Variants in ENAM observed in about 807,000 individuals in gnomAD.
The protein encoded by ENAM is amelogenesis imperfecta 2, hypocalcification (autosomal dominant).
Under a neutral mutation model 33.6 loss-of-function variants are expected in ENAM, and 21 were observed. The ratio of observed to expected loss-of-function variants is 0.63; its 90% CI spans 0.44 to 0.90. The LOEUF (loss-of-function observed/expected upper bound fraction) is 0.90, where lower values mean the gene tolerates loss of function less well. ENAM is among the 40% of genes least tolerant of loss of function. The pLI, the probability that ENAM is intolerant of heterozygous loss-of-function variation, is 0.00. For missense variants in ENAM, 1,388 were observed against 1,366.9 expected, an observed-to-expected ratio of 1.02 and a Z score of -0.24; for synonymous variants, 473 against 468.4, an observed-to-expected ratio of 1.01 and a Z score of -0.13.
At chr4:70,641,937 T>C (rs1031469161) in intron 8 of ENAM, 78 bp from the exon 9 acceptor site, 6 of 981,122 alleles carry the variant, frequency 6.1e-6, no homozygotes, top group South Asian at 5.2e-5. Context: ...AAGATTTCCC[T>C]GTTATACTAA....
At position 70,643,800 on chromosome 4, in the gene ENAM, C is replaced by A; in HGVS notation, c.2374C>A (p.His792Asn). ...FNRNIWDQAT[H>N]LQKAPARPPD... ...CAGAAATATCTGGGATCAGGCAACA[C>A]ATTTACAAAAAGCCCCAGCTAGGCC... The change falls in exon 9 of 9, where the codon CAT (histidine) becomes AAT (asparagine). Residue 792 changes from histidine to asparagine, a missense_variant. His to Asn is a moderately conservative substitution (Grantham distance 68). Coordinates refer to ENST00000396073, the MANE Select transcript of ENAM (RefSeq NM_031889.3). The A allele has an allele frequency of 6.2e-7, 1 of 1,614,156 alleles. No individual in the cohort carries two copies. Among genetic ancestry groups the A allele is most frequent in the Non-Finnish European group, 8.5e-7 (1 of 1,180,014 alleles).
In ENAM at chr4:70,635,873, A is replaced by G. The variant is rs774980367; in HGVS notation, c.513A>G (p.Gln171=). The change falls in exon 7 of 9, where the codon CAA becomes CAG. Residue 171 remains glutamine (Q), a synonymous_variant. Coordinates refer to ENST00000396073, the MANE Select transcript of ENAM (RefSeq NM_031889.3). ...PFGNGLFPYQ[Q]PPWQIPQRLP... is the part of the protein sequence containing the mutation. ...GAAATGGGCTATTCCCCTATCAACA[A>G]CCACCATGGCAAATTCCACAGGTGA... 17 of 1,606,656 alleles carry G rather than the reference A, an allele frequency of 1.1e-5. No individual in the cohort carries two copies. The South Asian group carries it at 1.8e-4, about 17-fold the overall frequency.
chr4:70,643,808 A>G lies in ENAM; in HGVS notation c.2382A>G (p.Gln794=). The change falls in exon 9 of 9, where the codon CAA becomes CAG. Residue 794 remains glutamine, a synonymous_variant. Coordinates refer to ENST00000396073, the MANE Select transcript of ENAM (RefSeq NM_031889.3). ...RNIWDQATHL[Q]KAPARPPDQK... is the part of the protein sequence containing the mutation. The stretch of plus-strand genomic sequence containing the variant: ...TCTGGGATCAGGCAACACATTTACA[A>G]AAAGCCCCAGCTAGGCCACCAGACC... The G allele has an allele frequency of 6.2e-7, 1 of 1,614,196 alleles. No homozygotes were observed. The highest frequency in any genetic ancestry group is 8.5e-7 in the Non-Finnish European group (1 of 1,180,026).
intron 8 of ENAM, among the ~76,000 whole-genome samples, chr4:70,639,178 C>T (rs1738537245): frequency 6.6e-6 from 1 of 152,132 alleles, no homozygotes; most frequent in South Asian, 2.1e-4. Context: ...GAAATAACCC[C>T]AAATAAAAAT....
rs780368116 is a variant in ENAM at position 70,642,483 on chromosome 4, C to T, written c.1057C>T (p.Gln353Ter). The T allele has an allele frequency of 6.2e-7, 1 of 1,614,060 alleles. No individual in the cohort carries two copies. Among genetic ancestry groups the T allele is most frequent in the South Asian group, 1.1e-5 (1 of 91,066 alleles). ...HRQNRPFYRNQQVQRGPRWNF... is the reference protein window; with the variant it reads ...HRQNRPFYRN The stretch of plus-strand genomic sequence containing the variant: ...ACAGAATAGGCCTTTTTACAGAAAT[C>T]AACAAGTTCAAAGGGGTCCTCGGTG... Residue 353 changes from glutamine to a stop codon, truncating the protein, a stop_gained, in exon 9 of 9, where the codon CAA becomes TAA. Coordinates refer to ENST00000396073, the MANE Select transcript of ENAM (RefSeq NM_031889.3). LOFTEE classifies it low-confidence loss of function (END_TRUNC).
At position 70,634,448 on chromosome 4, in the gene ENAM, T is replaced by C; in HGVS notation, c.351T>C (p.Asp117=). The C allele has an allele frequency of 6.2e-7, 1 of 1,614,030 alleles. No homozygotes were observed. The highest frequency in any genetic ancestry group is 1.1e-5 in the South Asian group (1 of 91,078). ...CACCCAAACGTCATAACAAGACTGA[T>C]CAGACCCAAGAAACCCAGAAACCCA... is the stretch of plus-strand genomic sequence containing the variant. ...SSAPKRHNKT[D]QTQETQKPNQ... Residue 117 remains aspartate, a synonymous_variant, in exon 6 of 9, where the codon GAT becomes GAC. Coordinates refer to ENST00000396073, the MANE Select transcript of ENAM (RefSeq NM_031889.3).
chr4:70,629,621 C>T (rs963172139), intron 2 of ENAM, 67 bp downstream of exon 2: 52 of 1,131,778 alleles, frequency 4.6e-5, no homozygotes, highest in Middle Eastern at 1.9e-4. Context: ...CAGAAATACA[C>T]TTGAGAGGGC....
chr4:70,630,362 G>A (rs1486426903), intron 2 of ENAM, among the ~76,000 whole-genome samples: 1 of 152,162 alleles, frequency 6.6e-6, no homozygotes. Flanking sequence ...AGAATGAAAG[G>A]AATGAAAACA....
intron 1 of ENAM, among the ~76,000 whole-genome samples, 197 bp from the exon 2 acceptor site, chr4:70,629,244 T>A (rs1356947381): frequency 1.3e-5 from 2 of 152,132 alleles, no homozygotes; most frequent in African/African-American, 4.8e-5. Flanking sequence ...CCTAGAAGTA[T>A]CTCAAAATAC....
intron 5 of ENAM, 152 bp downstream of exon 5, chr4:70,632,844 C>T: frequency 1.5e-6 from 1 of 686,642 alleles, no homozygotes; most frequent in Non-Finnish European, 2.6e-6. Context: ...ATTATTGCCC[C>T]TATCCTCTCA....
chr4:70,639,069 T>C (rs2109823520), intron 8 of ENAM, among the ~76,000 whole-genome samples: 1 of 151,984 alleles, frequency 6.6e-6, no homozygotes, highest in Non-Finnish European at 1.5e-5. Context: ...AGTGCTGGGA[T>C]TACAGGCATG....
rs1003413539 is a variant in ENAM, at chr4:70,630,268, A to T, written c.54+714A>T. Among the ~76,000 whole-genome samples, 27 of 152,200 alleles carry T rather than the reference A, an allele frequency of 1.8e-4. No homozygotes were observed. The South Asian group carries it at 2.3e-3, about 13-fold the overall frequency. ...TTATAAAAATGCTAAAGCGTCATTT[A>T]TGTTGCTCCTATAGGAAGTAAACAG... On this transcript the variant is annotated intron_variant, in intron 2 of 8. Coordinates refer to ENST00000396073, the MANE Select transcript of ENAM (RefSeq NM_031889.3).
Position 70,643,480 on chromosome 4 carries a change from A to G in ENAM, c.2054A>G (p.His685Arg), listed in dbSNP as rs535506506. 4 of 1,614,194 alleles carry G rather than the reference A, an allele frequency of 2.5e-6. No individual in the cohort carries two copies. The Admixed American group carries it at 6.7e-5, about 27-fold the overall frequency. The change falls in exon 9 of 9, where the codon CAC becomes CGC. Residue 685 changes from histidine to arginine, a missense_variant. Transcript: ENST00000396073. ...TTCAAAGGAGGCCCAACAGTTAGGC[A>G]CTATGAAGGTGAACAATATACCTCA... ...LSFKGGPTVR[H>R]YEGEQYTSNQ...
intron 1 of ENAM, among the ~76,000 whole-genome samples, chr4:70,629,238 G>A (rs916518648): frequency 2.6e-5 from 4 of 151,988 alleles, no homozygotes; most frequent in African/African-American, 9.7e-5. Context: ...CATCGCCCTA[G>A]AAGTATCTCA....
At chr4:70,632,206 G>A (rs1436666644) in intron 4 of ENAM, among the ~76,000 whole-genome samples, 2 of 152,016 alleles carry the variant, frequency 1.3e-5, no homozygotes, top group East Asian at 3.9e-4. Context: ...TTATTAGAAG[G>A]TAGATGCTTA....
chr4:70,632,705 TTA>T lies in ENAM; in HGVS notation c.210+15_210+16del. 2 of 1,570,938 alleles carry T rather than the reference TTA, an allele frequency of 1.3e-6. No homozygotes were observed. Among genetic ancestry groups the T allele is most frequent in the Non-Finnish European group, 1.8e-6 (2 of 1,140,868 alleles). On this transcript the variant is annotated intron_variant, in intron 5 of 8. Transcript: ENST00000396073. ...GAACGGCCCACATGTAAGTTTTTCTTTATGTTATTTCTGATGATTTCTTGTTT... is the reference window on the plus strand; with the variant it reads ...GAACGGCCCACATGTAAGTTTTTCTTTGTTATTTCTGATGATTTCTTGTTT...
chr4:70,641,537 G>A (rs1738597710), intron 8 of ENAM, among the ~76,000 whole-genome samples: 1 of 151,662 alleles, frequency 6.6e-6, no homozygotes, highest in Non-Finnish European at 1.5e-5. Context: ...ACAGGTGCGT[G>A]CACCACCATG....
In ENAM at chr4:70,642,684, C is replaced by G; in HGVS notation, c.1258C>G (p.Leu420Val). The G allele has an allele frequency of 6.2e-7, 1 of 1,610,686 alleles. No homozygotes were observed. The highest frequency in any genetic ancestry group is 8.5e-7 in the Non-Finnish European group (1 of 1,178,782). Residue 420 changes from leucine (L) to valine (V), a missense_variant, in exon 9 of 9, where the codon CTG (leucine) becomes GTG (valine). By Grantham distance (32) the Leu-to-Val change is conservative. Transcript: ENST00000396073. Reference protein sequence around the residue: ...KHPVGTTVAPLGPKPGPVVRN... With the variant: ...KHPVGTTVAPVGPKPGPVVRN... ...CCCTGTAGGAACTACTGTTGCCCCA[C>G]TGGGTCCCAAACCTGGCCCTGTTGT... is the stretch of plus-strand genomic sequence containing the variant.
rs1424646559 is a variant in ENAM, at chr4:70,642,164, A to C, written c.738A>C (p.Ser246=). The part of the protein sequence containing the change: ...ESPGTEPTAN[S]TVTETNSTQP... ...CAGGCACAGAACCCACAGCTAATTC[A>C]ACAGTCACTGAGACGAATTCTACCC... The change falls in exon 9 of 9, where the codon TCA becomes TCC. Residue 246 remains serine (S), a synonymous_variant. Coordinates refer to ENST00000396073, the MANE Select transcript of ENAM (RefSeq NM_031889.3). 7 of 1,614,090 alleles carry C rather than the reference A, an allele frequency of 4.3e-6. No homozygotes were observed. Among genetic ancestry groups the C allele is most frequent in the Admixed American group, 3.3e-5 (2 of 60,004 alleles).
Sources: allele counts gnomAD v4.1 joint callset (sites outside exome capture counted in the v4.1 genomes callset), GRCh38; gene constraint gnomAD v4.1.1; transcripts MANE v1.5; gene names NCBI Gene and HGNC (gene_info 2026-07-23, HGNC 2026-07-21).